MAML3: variants seen among roughly 807,000 people sequenced by gnomAD.
The protein encoded by MAML3 is mastermind-like protein 3.
A neutral mutation model predicts 101.9 loss-of-function variants in MAML3; 27 were observed. The observed-to-expected ratio is 0.27, with a 90% CI of 0.20 to 0.37. MAML3 has a LOEUF of 0.37. Ranked by LOEUF, MAML3 falls within the 10% of genes least tolerant of loss-of-function variation. The pLI, the probability that MAML3 is intolerant of heterozygous loss-of-function variation, is 1.00. For missense variants in MAML3, 1,316 were observed against 1,444.9 expected, an observed-to-expected ratio of 0.91 and a Z score of 1.45; for synonymous variants, 501 against 555.9, an observed-to-expected ratio of 0.90 and a Z score of 1.39.
At chr4:140,133,867 CTG>C (rs1728837686) in intron 1 of MAML3, among the ~76,000 whole-genome samples, 1 of 152,168 alleles carries the variant, frequency 6.6e-6, no homozygotes, top group South Asian at 2.1e-4. Context: ...CATAAAATGG[CTG>C]TATGTATACA....
intron 1 of MAML3, among the ~76,000 whole-genome samples, chr4:140,020,750 C>G (rs1337850441): frequency 6.6e-6 from 1 of 152,054 alleles, no homozygotes; most frequent in Non-Finnish European, 1.5e-5. Context: ...GCTTGTTGGA[C>G]AGTGAAATTG....
chr4:139,805,015 C>T (rs551596247), intron 2 of MAML3, among the ~76,000 whole-genome samples: 1 of 152,278 alleles, frequency 6.6e-6, no homozygotes, highest in African/African-American at 2.4e-5. Flanking sequence ...CCCATCTCTA[C>T]TAAAAATACA....
intron 1 of MAML3, among the ~76,000 whole-genome samples, chr4:140,035,074 A>G (rs1044242778): frequency 2.3e-4 from 35 of 152,276 alleles, no homozygotes; most frequent in African/African-American, 8.4e-4. Flanking sequence ...GGTACAAGCA[A>G]TTCTCCTGTC....
In MAML3 at chr4:139,931,379, G is replaced by A. The variant is rs559205422; in HGVS notation, c.469-40412C>T. Among the ~76,000 whole-genome samples the A allele has an allele frequency of 2.0e-5, 3 of 152,258 alleles. No individual in the cohort carries two copies. The South Asian group carries it at 6.2e-4, about 32-fold the overall frequency. On this transcript the variant is annotated intron_variant, in intron 1 of 4. Coordinates refer to ENST00000509479, the MANE Select transcript of MAML3 (RefSeq NM_018717.5). ...CAACTAAAATGAACCAGCACACTTA[G>A]GACACGACAGGGTTCCTGCTGTCAT...
At chr4:140,094,205 C>CAA (rs1203097127) in intron 1 of MAML3, among the ~76,000 whole-genome samples, 1 of 152,146 alleles carries the variant, frequency 6.6e-6, no homozygotes, top group East Asian at 1.9e-4. Flanking sequence ...GAGGGACTCT[C>CAA]AGAGAATGGA....
chr4:139,956,750 C>T lies in MAML3; in HGVS notation c.469-65783G>A, dbSNP rs142068394. Among the ~76,000 whole-genome samples, 336 of 152,220 alleles carry T rather than the reference C, an allele frequency of 2.2e-3. 1 individual carries two copies. Among genetic ancestry groups the T allele is most frequent in the African/African-American group, 7.8e-3 (324 of 41,522 alleles). The stretch of plus-strand genomic sequence containing the variant: ...TTCACAGAGAAAACAGATTTCTCCA[C>T]ACAGGAAAGGAGAAATAGCAGAAAT... On this transcript the variant is annotated intron_variant, in intron 1 of 4. Coordinates refer to ENST00000509479, the MANE Select transcript of MAML3 (RefSeq NM_018717.5).
At chr4:140,093,436 A>G (rs1254374877) in intron 1 of MAML3, among the ~76,000 whole-genome samples, 2 of 96,550 alleles carry the variant, frequency 2.1e-5, no homozygotes, top group Non-Finnish European at 4.4e-5. Context: ...TTTTTTTTTG[A>G]GACAGAGTCT....
intron 1 of MAML3, among the ~76,000 whole-genome samples, chr4:140,092,760 G>A (rs1322285803): frequency 2.0e-5 from 3 of 152,130 alleles, no homozygotes; most frequent in Non-Finnish European, 2.9e-5. Context: ...GAGCTTGGAA[G>A]GTATTCTCCT....
intron 2 of MAML3, among the ~76,000 whole-genome samples, chr4:139,738,942 A>C (rs1472558192): frequency 6.6e-6 from 1 of 152,226 alleles, no homozygotes; most frequent in African/African-American, 2.4e-5. Context: ...GAGAGGTAGA[A>C]GCTTCTAACT....
At chr4:139,734,320 C>T (rs959488950) in intron 2 of MAML3, among the ~76,000 whole-genome samples, 1 of 152,214 alleles carries the variant, frequency 6.6e-6, no homozygotes, top group East Asian at 1.9e-4. Context: ...GAGCTTTCGT[C>T]ATGCGAGATG....
intron 1 of MAML3, among the ~76,000 whole-genome samples, chr4:140,109,855 C>T (rs1728410891): frequency 6.6e-6 from 1 of 152,188 alleles, no homozygotes; most frequent in South Asian, 2.1e-4. Context: ...ATGCCCTGGT[C>T]ACACGTTTCA....
chr4:139,987,695 G>A (rs1021191616), intron 1 of MAML3, among the ~76,000 whole-genome samples: 5 of 151,930 alleles, frequency 3.3e-5, no homozygotes, highest in Admixed American at 3.3e-4. Context: ...TTCCCGCCTG[G>A]CCACTTTGTT....
chr4:140,094,281 C>T (rs1374477423), intron 1 of MAML3, among the ~76,000 whole-genome samples: 2 of 152,192 alleles, frequency 1.3e-5, no homozygotes, highest in African/African-American at 2.4e-5. Context: ...TAATTGTACA[C>T]GTCATCTTGA....
At chr4:139,981,481 T>C (rs901834688) in intron 1 of MAML3, among the ~76,000 whole-genome samples, 13 of 152,202 alleles carry the variant, frequency 8.5e-5, no homozygotes, top group African/African-American at 2.9e-4. Context: ...AAAGTTCCCA[T>C]ATATCCTGTA....
chr4:140,096,214 C>A (rs1310671772), intron 1 of MAML3, among the ~76,000 whole-genome samples: 1 of 152,160 alleles, frequency 6.6e-6, no homozygotes. Context: ...CTTTGGGGTA[C>A]TTAATAACTT....
intron 2 of MAML3, among the ~76,000 whole-genome samples, chr4:139,768,642 A>G (rs758338790): frequency 2.6e-5 from 4 of 152,234 alleles, no homozygotes; most frequent in African/African-American, 7.2e-5. Flanking sequence ...AGCAAAACCA[A>G]TGTGGATTCC....
intron 2 of MAML3, among the ~76,000 whole-genome samples, chr4:139,852,403 G>GTTTTTTTTTTTTTTTGTTGTT (rs1731573310): frequency 1.2e-4 from 8 of 68,326 alleles, no homozygotes; most frequent in African/African-American, 5.3e-4. Flanking sequence ...TCAGAAGACT[G>GTTTTTTTTTTTTTTTGTTGTT]TTTTTTTTTT....
At position 139,720,232 on chromosome 4, in the gene MAML3, C is replaced by T. The variant is rs1235997133; in HGVS notation, c.2508G>A (p.Met836Ile). 51 of 1,611,056 alleles carry T rather than the reference C, an allele frequency of 3.2e-5. No homozygotes were observed. Among genetic ancestry groups the T allele is most frequent in the Non-Finnish European group, 4.2e-5 (50 of 1,177,864 alleles). The part of the protein sequence containing the change: ...SRLMAQNAGM[M>I]GIGPSQNPGT... Reference sequence around the variant, plus strand: ...CAGGGTTCTGGGAGGGTCCTATTCCCATCATGCCTGCGTTCTGTGCCATCA... The same window carrying T: ...CAGGGTTCTGGGAGGGTCCTATTCCTATCATGCCTGCGTTCTGTGCCATCA... Residue 836 changes from methionine to isoleucine, a missense_variant, in exon 5 of 5, where the codon ATG becomes ATA. By Grantham distance (10) the Met-to-Ile change is conservative (BLOSUM62 1). Transcript: ENST00000509479.
At chr4:140,078,111 T>C (rs932717790) in intron 1 of MAML3, among the ~76,000 whole-genome samples, 3 of 152,142 alleles carry the variant, frequency 2.0e-5, no homozygotes, top group Admixed American at 2.0e-4. Flanking sequence ...CAACAGTCTT[T>C]CCTAGAAGTT....
Sources: allele counts gnomAD v4.1 joint callset (sites outside exome capture counted in the v4.1 genomes callset), GRCh38; gene constraint gnomAD v4.1.1; transcripts MANE v1.5; gene names NCBI Gene and HGNC (gene_info 2026-07-23, HGNC 2026-07-21).